The following USPL1 variants were observed in gnomAD, a reference collection of about 807,000 sequenced individuals.
USPL1 encodes SUMO-specific isopeptidase USPL1.
USPL1 carries 27 observed loss-of-function variants against 51.5 expected under a neutral mutation model. That is an observed-to-expected ratio of 0.52 (90% CI 0.39 to 0.72). The LOEUF (loss-of-function observed/expected upper bound fraction) is 0.72, where lower values mean the gene tolerates loss of function less well. Among genes scored for constraint, USPL1 ranks in the 30% least tolerant of loss-of-function variants. The pLI is 0.00. For synonymous variants in USPL1, 451 were observed against 459.6 expected (o/e 0.98, Z 0.24); for missense variants, 1,226 against 1,268.0 (o/e 0.97, Z 0.50).
chr13:30,650,854 G>A (rs1039099599), intron 7 of USPL1, among the ~76,000 whole-genome samples: 5 of 152,050 alleles, frequency 3.3e-5, no homozygotes, highest in Admixed American at 6.6e-5. Flanking sequence ...GCTGGGTGTG[G>A]TGGCATGCGC....
chr13:30,659,469 T>C lies in USPL1; in HGVS notation c.*113T>C, dbSNP rs1951226984. On this transcript the variant is annotated 3_prime_UTR_variant, in exon 9 of 9. Coordinates refer to ENST00000255304, the MANE Select transcript of USPL1 (RefSeq NM_005800.5). ...TGTGTAATTACTTGTGTAATAACCA[T>C]GAACAAAATGCAAGGTTTAACCTTT... 20 of 958,238 alleles carry C rather than the reference T, an allele frequency of 2.1e-5. No individual in the cohort carries two copies. The East Asian group carries it at 5.5e-4, about 26-fold the overall frequency. The allele number at this position is 958,238 out of a possible 1,614,324, so 59.4% of individuals were successfully genotyped here.
At chr13:30,634,298 A>G (rs1035016420) in intron 4 of USPL1, among the ~76,000 whole-genome samples, 7 of 152,196 alleles carry the variant, frequency 4.6e-5, no homozygotes, top group African/African-American at 1.7e-4. Flanking sequence ...TTGCCAGTGG[A>G]ACACAGCAGG....
chr13:30,639,455 G>C (rs1278894192), intron 5 of USPL1, among the ~76,000 whole-genome samples: 2 of 151,648 alleles, frequency 1.3e-5, no homozygotes, highest in Non-Finnish European at 2.9e-5. Flanking sequence ...TATTTATTCT[G>C]TTCTTATAAA....
intron 5 of USPL1, among the ~76,000 whole-genome samples, chr13:30,638,655 C>T (rs146778813): frequency 1.3e-5 from 2 of 151,892 alleles, no homozygotes; most frequent in African/African-American, 4.8e-5. Flanking sequence ...CTTGTATTAA[C>T]TCTTCTATTA....
chr13:30,623,313 G>A (rs1339832836), intron 3 of USPL1, among the ~76,000 whole-genome samples: 1 of 152,012 alleles, frequency 6.6e-6, no homozygotes, highest in Non-Finnish European at 1.5e-5. Context: ...AAAATAATGG[G>A]GGAGCTGGAC....
intron 3 of USPL1, among the ~76,000 whole-genome samples, chr13:30,628,918 C>A (rs1950760366): frequency 6.6e-6 from 1 of 152,086 alleles, no homozygotes; most frequent in Admixed American, 6.6e-5. Flanking sequence ...TTTTATGATG[C>A]TTTAAATACA....
rs1340100511 is a variant in USPL1 at position 30,631,446 on chromosome 13, A to G, written c.840A>G (p.Leu280=). 1.2e-6 allele frequency: 2 copies of G among 1,614,066 alleles called. No individual in the cohort carries two copies. Among genetic ancestry groups the G allele is most frequent in the South Asian group, 2.2e-5 (2 of 91,068 alleles). Residue 280 remains leucine (L), a synonymous_variant, in exon 4 of 9, where the codon CTA becomes CTG. Coordinates refer to ENST00000255304, the MANE Select transcript of USPL1 (RefSeq NM_005800.5). ...AATATAATCAAGCAAATACACTTCT[A>G]TATACCAGTCAATTGAGTGGTGTTA... ...LTKYNQANTL[L]YTSQLSGVKD...
At chr13:30,644,069 G>A (rs1950984950) in intron 6 of USPL1, among the ~76,000 whole-genome samples, 1 of 151,912 alleles carries the variant, frequency 6.6e-6, no homozygotes, top group Non-Finnish European at 1.5e-5. Flanking sequence ...TGGATCACGA[G>A]GTCAGGAGTT....
In USPL1 at chr13:30,621,053, T is replaced by C; in HGVS notation, c.-68-20T>C. 1 of 1,045,870 alleles carries C rather than the reference T, an allele frequency of 9.6e-7. No homozygotes were observed. Among genetic ancestry groups the C allele is most frequent in the Non-Finnish European group, 1.4e-6 (1 of 698,244 alleles). 64.8% of individuals were successfully genotyped at this position (1,045,870 alleles called of 1,614,324 possible). ...TAAATAGAATTTTTATTTAATTGTC[T>C]ATTGACTTTTTTTTTCCAGGGTTCA... On this transcript the variant is annotated intron_variant, in intron 1 of 8. Transcript: ENST00000255304.
At chr13:30,652,721 G>T (rs1037408821) in intron 7 of USPL1, among the ~76,000 whole-genome samples, 6 of 152,136 alleles carry the variant, frequency 3.9e-5, no homozygotes, top group Non-Finnish European at 5.9e-5. Context: ...TAGGTTTGTT[G>T]CTTTCTTTCA....
rs761684107 is a variant in USPL1 at position 30,631,424 on chromosome 13, A to G, written c.818A>G (p.Tyr273Cys). 1 of 1,614,256 alleles carries G rather than the reference A, an allele frequency of 6.2e-7. No individual in the cohort carries two copies. The highest frequency in any genetic ancestry group is 8.5e-7 in the Non-Finnish European group (1 of 1,180,046). ...ATATTCTGGCGGTTGCTTACAAAAT[A>G]TAATCAAGCAAATACACTTCTATAT... ...ESIFWRLLTK[Y>C]NQANTLLYTS... Residue 273 changes from tyrosine (Y) to cysteine (C), a missense_variant, in exon 4 of 9, where the codon TAT becomes TGT. Coordinates refer to ENST00000255304, the MANE Select transcript of USPL1 (RefSeq NM_005800.5).
At position 30,646,966 on chromosome 13, in the gene USPL1, A is replaced by G; in HGVS notation, c.1147A>G (p.Ile383Val). 1.9e-6 allele frequency: 3 copies of G among 1,612,470 alleles called. No homozygotes were observed. Among genetic ancestry groups the G allele is most frequent in the African/African-American group, 1.3e-5 (1 of 75,030 alleles). ...GAGTCTGGTCACCTTTACAAATGTC[A>G]TCCCTGAGTGGCACCCACTTAATGC... Reference protein sequence around the residue: ...MKSLVTFTNVIPEWHPLNAAH... With the variant: ...MKSLVTFTNVVPEWHPLNAAH... The change falls in exon 7 of 9, where the codon ATC becomes GTC. Residue 383 changes from isoleucine (I) to valine (V), a missense_variant. Ile to Val is a conservative substitution (Grantham distance 29). Coordinates refer to ENST00000255304, the MANE Select transcript of USPL1 (RefSeq NM_005800.5).
chr13:30,624,523 A>C (rs1334106747), intron 3 of USPL1, among the ~76,000 whole-genome samples: 3 of 152,180 alleles, frequency 2.0e-5, no homozygotes, highest in Admixed American at 6.5e-5. Flanking sequence ...GAGGGGGACT[A>C]CGGGTGCACG....
At chr13:30,633,650 T>C (rs1026601916) in intron 4 of USPL1, among the ~76,000 whole-genome samples, 1 of 151,934 alleles carries the variant, frequency 6.6e-6, no homozygotes, top group East Asian at 1.9e-4. Flanking sequence ...CACACGCCTG[T>C]AGTCACAGCT....
In USPL1 at chr13:30,658,906, A is replaced by G. The variant is rs370554056; in HGVS notation, c.2829A>G (p.Pro943=). 4.0e-5 allele frequency: 65 copies of G among 1,614,232 alleles called. 1 individual carries two copies. The Admixed American group carries it at 5.0e-4, about 12-fold the overall frequency. The change falls in exon 9 of 9, where the codon CCA becomes CCG. Residue 943 remains proline, a synonymous_variant. Transcript: ENST00000255304. The part of the protein sequence containing the change: ...ESIEDLLNEL[P]YPIDIASESA... ...TAGAGGACTTGTTAAATGAGCTACC[A>G]TATCCAATTGATATTGCCAGTGAGT...
Position 30,631,142 on chromosome 13 carries a change from C to G in USPL1, c.536C>G (p.Thr179Ser), listed in dbSNP as rs918649320. ...CGGAATGAGATTTTGGAAGCTGATA[C>G]TGTTGACATGGCTACTACAAAAGAT... ...LERNEILEAD[T>S]VDMATTKDPA... The change falls in exon 4 of 9, where the codon ACT (threonine) becomes AGT (serine). Residue 179 changes from threonine (T) to serine (S), a missense_variant. Transcript: ENST00000255304. 6.2e-7 allele frequency: 1 copy of G among 1,614,076 alleles called. No individual in the cohort carries two copies. Among genetic ancestry groups the G allele is most frequent in the East Asian group, 2.2e-5 (1 of 44,902 alleles).
intron 5 of USPL1, among the ~76,000 whole-genome samples, chr13:30,638,420 T>C (rs1950904146): frequency 6.6e-6 from 1 of 152,160 alleles, no homozygotes; most frequent in Admixed American, 6.5e-5. Context: ...AGAAATATGC[T>C]GATGGCCTTT....
At chr13:30,623,082 C>T (rs1320995240) in intron 3 of USPL1, among the ~76,000 whole-genome samples, 1 of 151,982 alleles carries the variant, frequency 6.6e-6, no homozygotes, top group Non-Finnish European at 1.5e-5. Flanking sequence ...GCAGTAGGGA[C>T]TGGAATGCCA....
intron 1 of USPL1, among the ~76,000 whole-genome samples, chr13:30,619,189 C>G (rs553641769): frequency 6.6e-6 from 1 of 152,242 alleles, no homozygotes; most frequent in South Asian, 2.1e-4. Context: ...AAAATCCCCC[C>G]CGGGATTTTG....
Sources: gnomAD v4.1 joint callset for allele counts (sites outside exome capture counted in the v4.1 genomes callset) on GRCh38, gnomAD v4.1.1 for gene constraint, MANE v1.5 for transcripts, NCBI Gene and HGNC (gene_info 2026-07-23, HGNC 2026-07-21) for gene names.